Variants in ERP44 observed in about 807,000 individuals in gnomAD.
ERP44 encodes endoplasmic reticulum resident protein 44.
A neutral mutation model predicts 53.4 loss-of-function variants in ERP44; 25 were observed. The observed-to-expected ratio is 0.47, with a 90% CI of 0.34 to 0.65. ERP44 has a LOEUF of 0.65. Ranked by LOEUF, ERP44 falls within the 30% of genes least tolerant of loss-of-function variation. The pLI is 0.01. For synonymous variants in ERP44, 145 were observed against 161.2 expected (o/e 0.90, Z 0.76); for missense variants, 338 against 493.2 (o/e 0.69, Z 2.98).
intron 10 of ERP44, among the ~76,000 whole-genome samples, chr9:99,996,008 G>A (rs568372963): frequency 6.7e-6 from 1 of 149,070 alleles, no homozygotes; most frequent in South Asian, 2.1e-4. Context: ...CCAACAGTGT[G>A]CAAGGGTTCC....
chr9:100,041,887 CA>C, intron 4 of ERP44, among the ~76,000 whole-genome samples: 1 of 152,078 alleles, frequency 6.6e-6, no homozygotes, highest in Non-Finnish European at 1.5e-5. Context: ...TATCTCTTGC[CA>C]TACACAAAAA....
chr9:99,992,457 A>G (rs919483565), intron 10 of ERP44, among the ~76,000 whole-genome samples: 2 of 152,244 alleles, frequency 1.3e-5, no homozygotes, highest in African/African-American at 4.8e-5. Context: ...CCTTTGACAA[A>G]ATTCAACAGC....
chr9:100,069,027 C>T (rs967713437), intron 1 of ERP44, among the ~76,000 whole-genome samples: 2 of 152,078 alleles, frequency 1.3e-5, no homozygotes, highest in Admixed American at 6.5e-5. Context: ...GTGCTGTGTC[C>T]ACTCAGGGTT....
chr9:100,082,890 T>C (rs1459993440), intron 1 of ERP44, among the ~76,000 whole-genome samples: 1 of 152,110 alleles, frequency 6.6e-6, no homozygotes, highest in Non-Finnish European at 1.5e-5. Context: ...AAGATTTACA[T>C]ATTTCCAATG....
chr9:99,984,851 T>C (rs1788039997), intron 11 of ERP44, 116 bp downstream of exon 11: 1 of 602,428 alleles, frequency 1.7e-6, no homozygotes, highest in Non-Finnish European at 2.9e-6. Flanking sequence ...AGAATTTCTC[T>C]ACACAAATAT....
At position 99,982,620 on chromosome 9, in the gene ERP44, C is replaced by A; in HGVS notation, c.1213G>T (p.Glu405Ter). ...AACTGTTTTTCAAGTTTTTAAAGCT[C>A]ATCTCGATCCCTCAATAGAGTATAC... ...YRYTLLRDRD[E>*]L The change falls in exon 12 of 12, where the codon GAG (glutamate) becomes TAG (stop). Residue 405 changes from glutamate to a stop codon, truncating the protein, a stop_gained. Transcript: ENST00000262455. LOFTEE classifies it high-confidence loss of function. 1 of 1,553,414 alleles carries A rather than the reference C, an allele frequency of 6.4e-7. No individual in the cohort carries two copies. Among genetic ancestry groups the A allele is most frequent in the Middle Eastern group, 1.7e-4 (1 of 5,810 alleles).
intron 4 of ERP44, among the ~76,000 whole-genome samples, chr9:100,041,692 T>C (rs1334798444): frequency 1.3e-5 from 2 of 151,564 alleles, no homozygotes; most frequent in African/African-American, 2.4e-5. Context: ...ACAACAACAA[T>C]AAACAAACAA....
At chr9:100,069,529 G>A (rs901110073) in intron 1 of ERP44, among the ~76,000 whole-genome samples, 31 of 152,204 alleles carry the variant, frequency 2.0e-4, no homozygotes, top group Non-Finnish European at 2.2e-4. Flanking sequence ...CCAGGAAATG[G>A]AGGTTGCAGT....
At chr9:100,049,610 C>T (rs559043540) in intron 4 of ERP44, among the ~76,000 whole-genome samples, 1 of 152,168 alleles carries the variant, frequency 6.6e-6, no homozygotes, top group Non-Finnish European at 1.5e-5. Context: ...AGACTATCCA[C>T]TCCAAGTTTT....
At chr9:100,006,796 A>G (rs1326809004) in intron 9 of ERP44, 149 bp from the exon 10 acceptor site, 11 of 548,676 alleles carry the variant, frequency 2.0e-5, no homozygotes, top group Non-Finnish European at 3.5e-5. Flanking sequence ...AAACCTAAAT[A>G]TCTAACACTT....
chr9:100,017,157 T>C (rs1220165259), intron 7 of ERP44, among the ~76,000 whole-genome samples: 1 of 152,228 alleles, frequency 6.6e-6, no homozygotes, highest in Non-Finnish European at 1.5e-5. Context: ...GTGTCTAAAA[T>C]GATGATAAAA....
intron 1 of ERP44, among the ~76,000 whole-genome samples, chr9:100,082,987 C>T (rs1020588570): frequency 6.6e-6 from 1 of 151,632 alleles, no homozygotes; most frequent in South Asian, 2.1e-4. Context: ...GAATCATAAC[C>T]CAAAGCCATA....
intron 4 of ERP44, among the ~76,000 whole-genome samples, chr9:100,048,554 CAA>C (rs1381390791): frequency 6.6e-6 from 1 of 151,970 alleles, no homozygotes. Flanking sequence ...TTAAAGGTCT[CAA>C]AGAGATATTA....
At chr9:100,049,422 A>G (rs186878720) in intron 4 of ERP44, among the ~76,000 whole-genome samples, 67 of 152,346 alleles carry the variant, frequency 4.4e-4, no homozygotes, top group African/African-American at 1.4e-3. Context: ...ACAAATTTCA[A>G]TAAGAAAATA....
chr9:99,999,098 G>T (rs1294148551), intron 10 of ERP44: 1 of 667,008 alleles, frequency 1.5e-6, no homozygotes, highest in Non-Finnish European at 2.7e-6. Context: ...TTCCCACAGC[G>T]GCGGGGCGTG....
chr9:100,035,881 A>T (rs1333937283), intron 4 of ERP44, among the ~76,000 whole-genome samples: 1 of 152,172 alleles, frequency 6.6e-6, no homozygotes, highest in East Asian at 1.9e-4. Context: ...GCTTTTGTTA[A>T]AAAGTCAAAA....
intron 4 of ERP44, among the ~76,000 whole-genome samples, chr9:100,037,056 T>C (rs947480992): frequency 2.6e-5 from 4 of 152,226 alleles, no homozygotes; most frequent in African/African-American, 9.6e-5. Flanking sequence ...TACCTAGTTT[T>C]AACTTCGTTT....
chr9:100,062,042 G>A (rs1266002725), intron 1 of ERP44, among the ~76,000 whole-genome samples: 1 of 152,088 alleles, frequency 6.6e-6, no homozygotes, highest in Admixed American at 6.5e-5. Context: ...GCTAAGAGAC[G>A]TATCCTCTAG....
intron 1 of ERP44, among the ~76,000 whole-genome samples, chr9:100,096,754 T>C (rs1330532105): frequency 6.6e-6 from 1 of 152,124 alleles, no homozygotes; most frequent in Non-Finnish European, 1.5e-5. Flanking sequence ...TTTATCTGTA[T>C]GTAAGAAGGA....
Sources: allele counts gnomAD v4.1 joint callset (sites outside exome capture counted in the v4.1 genomes callset), GRCh38; gene constraint gnomAD v4.1.1; transcripts MANE v1.5; gene names NCBI Gene and HGNC (gene_info 2026-07-23, HGNC 2026-07-21).